The following CELF2 variants were observed in gnomAD, a reference collection of about 807,000 sequenced individuals.
The protein encoded by CELF2 is CUGBP Elav-like family member 2.
Under a neutral mutation model 62.6 loss-of-function variants are expected in CELF2, and 8 were observed. That is an observed-to-expected ratio of 0.13 (90% confidence interval 0.07 to 0.23). The LOEUF is 0.23. Among genes scored for constraint, CELF2 ranks in the 10% least tolerant of loss-of-function variants. The probability of loss-of-function intolerance (pLI) is 1.00; values close to 1 mark genes in which losing one functional copy is unlikely to be tolerated. For missense variants in CELF2, 333 were observed against 671.0 expected, an observed-to-expected ratio of 0.50 and a Z score of 5.56; for synonymous variants, 258 against 250.0, an observed-to-expected ratio of 1.03 and a Z score of -0.30.
At chr10:10,973,242 C>T (rs1262565930) in intron 2 of CELF2, among the ~76,000 whole-genome samples, 6 of 151,910 alleles carry the variant, frequency 3.9e-5, no homozygotes, top group Admixed American at 6.5e-5. Context: ...GACCACACCA[C>T]TGCACTCCAG....
At chr10:10,841,800 A>T (rs1249175504) in intron 1 of CELF2, among the ~76,000 whole-genome samples, 1 of 152,114 alleles carries the variant, frequency 6.6e-6, no homozygotes, top group Admixed American at 6.6e-5. Flanking sequence ...GCTGATATCC[A>T]CAAAATAACT....
At chr10:10,721,347 C>T in the CELF2 span, among the ~76,000 whole-genome samples, 11 of 152,146 alleles carry the variant, frequency 7.2e-5, no homozygotes, top group Admixed American at 4.6e-4. Context: ...TTAATCTACA[C>T]GGAGATACAC....
intron 2 of CELF2, among the ~76,000 whole-genome samples, chr10:10,922,455 T>C (rs2065011136): frequency 6.6e-6 from 1 of 152,210 alleles, no homozygotes; most frequent in African/African-American, 2.4e-5. Context: ...CACCTCTATG[T>C]TGTCAGAAGA....
At chr10:10,839,855 C>T (rs191026510) in intron 1 of CELF2, among the ~76,000 whole-genome samples, 75 of 152,200 alleles carry the variant, frequency 4.9e-4, no homozygotes, top group Non-Finnish European at 1.9e-4. Context: ...AAAAATTCCT[C>T]TGTGCTTCAC....
At chr10:11,226,741 C>G (rs988526218) in intron 3 of CELF2, among the ~76,000 whole-genome samples, 3 of 152,196 alleles carry the variant, frequency 2.0e-5, no homozygotes, top group Non-Finnish European at 4.4e-5. Flanking sequence ...GAAAAACATT[C>G]AGCGAGCGAG....
At chr10:10,694,692 G>T in the CELF2 span, among the ~76,000 whole-genome samples, 5 of 151,688 alleles carry the variant, frequency 3.3e-5, no homozygotes, top group Admixed American at 1.3e-4. Flanking sequence ...GAATCTGGGT[G>T]CTCCTGTATT....
At chr10:10,523,704 T>C in the CELF2 span, among the ~76,000 whole-genome samples, 1 of 152,288 alleles carries the variant, frequency 6.6e-6, no homozygotes, top group Admixed American at 6.5e-5. Context: ...CATTTTCCAT[T>C]ACAACTAGGG....
chr10:10,642,113 G>A, the CELF2 span, among the ~76,000 whole-genome samples: 2 of 152,320 alleles, frequency 1.3e-5, no homozygotes, highest in African/African-American at 2.4e-5. Context: ...AGGAAGACAG[G>A]AAGCTTGCCA....
chr10:10,642,517 G>T, the CELF2 span, among the ~76,000 whole-genome samples: 1 of 152,216 alleles, frequency 6.6e-6, no homozygotes, highest in Non-Finnish European at 1.5e-5. Context: ...TTATTGAAAT[G>T]CAAATGAATC....
chr10:10,728,176 A>G, the CELF2 span, among the ~76,000 whole-genome samples: 1 of 151,876 alleles, frequency 6.6e-6, no homozygotes, highest in South Asian at 2.1e-4. Flanking sequence ...GCGGTGGCTC[A>G]TGCCTGTAAA....
intron 1 of CELF2, among the ~76,000 whole-genome samples, chr10:11,009,398 A>G (rs1466299511): frequency 1.3e-5 from 2 of 151,880 alleles, no homozygotes; most frequent in Non-Finnish European, 2.9e-5. Context: ...CAACTCAGAG[A>G]TGTTGCTGGT....
the CELF2 span, among the ~76,000 whole-genome samples, chr10:10,584,623 T>C: frequency 2.7e-4 from 41 of 152,214 alleles, no homozygotes; most frequent in Admixed American, 7.9e-4. Flanking sequence ...TCTCCAAGTT[T>C]AATGCATAGA....
the CELF2 span, among the ~76,000 whole-genome samples, chr10:10,594,052 T>C: frequency 2.6e-5 from 4 of 152,174 alleles, no homozygotes; most frequent in Non-Finnish European, 5.9e-5. Flanking sequence ...CTGGGAGCAG[T>C]TACGATCCAG....
At chr10:10,777,844 A>T in the CELF2 span, among the ~76,000 whole-genome samples, 1 of 151,908 alleles carries the variant, frequency 6.6e-6, no homozygotes, top group Admixed American at 6.6e-5. Flanking sequence ...CCTTACCCTA[A>T]ACTCAACCCT....
At chr10:10,828,838 T>C (rs184511180) in intron 1 of CELF2, among the ~76,000 whole-genome samples, 128 of 152,248 alleles carry the variant, frequency 8.4e-4, no homozygotes, top group East Asian at 1.5e-3. Flanking sequence ...ATGAATTGAA[T>C]AAGCAATGGA....
chr10:10,623,272 G>A, the CELF2 span, among the ~76,000 whole-genome samples: 2 of 152,048 alleles, frequency 1.3e-5, no homozygotes, highest in South Asian at 2.1e-4. Flanking sequence ...AGAGAGCAGC[G>A]AATGTGGGTA....
intron 1 of CELF2, among the ~76,000 whole-genome samples, chr10:11,047,870 A>G (rs1189823028): frequency 6.6e-6 from 1 of 152,208 alleles, no homozygotes; most frequent in East Asian, 1.9e-4. Flanking sequence ...CTGTTGCCAC[A>G]TGCACTTCTA....
At chr10:10,932,179 T>C (rs1014094221) in intron 2 of CELF2, among the ~76,000 whole-genome samples, 5 of 152,156 alleles carry the variant, frequency 3.3e-5, no homozygotes, top group African/African-American at 7.2e-5. Context: ...CGATGATCCC[T>C]GCCCTTAAGA....
chr10:10,482,542 C>T, the CELF2 span, among the ~76,000 whole-genome samples: 1 of 152,154 alleles, frequency 6.6e-6, no homozygotes, highest in Non-Finnish European at 1.5e-5. Flanking sequence ...AATATTCAAG[C>T]CAAGTACAAA....
Sources: allele counts gnomAD v4.1 joint callset (sites outside exome capture counted in the v4.1 genomes callset), GRCh38; gene constraint gnomAD v4.1.1; transcripts MANE v1.5; gene names NCBI Gene and HGNC (gene_info 2026-07-23, HGNC 2026-07-21).